The following MYOM2 variants were observed in gnomAD, a reference collection of about 807,000 sequenced individuals.
The protein encoded by MYOM2 is myomesin-2.
A neutral mutation model predicts 187.6 loss-of-function variants in MYOM2; 254 were observed. That is an observed-to-expected ratio of 1.35 (90% CI 1.22 to 1.50). The LOEUF is 1.50. Ranked by LOEUF, MYOM2 falls within the 40% of genes most tolerant of loss-of-function variation. The pLI, the probability that MYOM2 is intolerant of heterozygous loss-of-function variation, is 0.00. For missense variants in MYOM2, 2,796 were observed against 1,924.0 expected (o/e 1.45, Z -8.48); for synonymous variants, 981 against 753.8 (o/e 1.30, Z -4.94).
At chr8:2,107,273 C>T (rs1796926394) in intron 23 of MYOM2, among the ~76,000 whole-genome samples, 1 of 152,134 alleles carries the variant, frequency 6.6e-6, no homozygotes, top group South Asian at 2.1e-4. Context: ...AACGAAGGGG[C>T]AGTGGTGCAG....
chr8:2,127,756 G>A (rs61121655), intron 31 of MYOM2: 82,690 of 119,072 alleles, frequency 0.69, 29,905 homozygotes, highest in Admixed American at 0.75. Context: ...TGACGCGGTG[G>A]CGCAGCCGCA....
intron 5 of MYOM2, among the ~76,000 whole-genome samples, 194 bp from the exon 6 acceptor site, chr8:2,058,959 G>C (rs1818762214): frequency 6.6e-6 from 1 of 152,250 alleles, no homozygotes; most frequent in Middle Eastern, 3.2e-3. Flanking sequence ...AACGAGGAAA[G>C]CGCTGCTCTC....
intron 27 of MYOM2, 46 bp downstream of exon 27, chr8:2,116,321 C>T (rs1434328580): frequency 6.4e-7 from 1 of 1,553,680 alleles, no homozygotes. Flanking sequence ...TAGCATAAAG[C>T]AAAGATGATT....
At chr8:2,056,900 T>C (rs1436202672) in intron 3 of MYOM2, among the ~76,000 whole-genome samples, 2 of 152,238 alleles carry the variant, frequency 1.3e-5, no homozygotes, top group Non-Finnish European at 2.9e-5. Context: ...GAGCACCTGC[T>C]GCATGTGAGT....
intron 14 of MYOM2, among the ~76,000 whole-genome samples, chr8:2,086,285 TG>T: frequency 7.0e-6 from 1 of 143,626 alleles, no homozygotes; most frequent in Non-Finnish European, 1.5e-5. Flanking sequence ...GGCACCCCAC[TG>T]TCGTGATCTC....
intron 15 of MYOM2, 126 bp from the exon 16 acceptor site, chr8:2,092,220 G>T (rs541805379): frequency 1.7e-6 from 2 of 1,159,214 alleles, no homozygotes; most frequent in Non-Finnish European, 2.5e-6. Flanking sequence ...TGGACCCCTT[G>T]TCTGAATTTC....
chr8:2,075,711 C>T (rs772574517), intron 10 of MYOM2, among the ~76,000 whole-genome samples: 5 of 152,112 alleles, frequency 3.3e-5, no homozygotes, highest in African/African-American at 7.2e-5. Flanking sequence ...TCAAAGTTGG[C>T]GAAAAGAGTA....
At chr8:2,100,652 G>A (rs1013098505) in intron 19 of MYOM2, among the ~76,000 whole-genome samples, 1 of 152,046 alleles carries the variant, frequency 6.6e-6, no homozygotes. Flanking sequence ...ATTCTACGTA[G>A]ATCCACGTAG....
chr8:2,063,923 C>T (rs780765382), intron 6 of MYOM2, among the ~76,000 whole-genome samples: 3 of 152,238 alleles, frequency 2.0e-5, no homozygotes, highest in Non-Finnish European at 4.4e-5. Flanking sequence ...GGAAATAAAA[C>T]CCTTGCCTCT....
intron 21 of MYOM2, 63 bp downstream of exon 21, chr8:2,102,844 T>A: frequency 7.9e-7 from 1 of 1,268,436 alleles, no homozygotes; most frequent in Non-Finnish European, 1.1e-6. Context: ...GCATGTATTA[T>A]GGATGTATGG....
At chr8:2,051,061 C>T (rs757011824) in intron 2 of MYOM2, among the ~76,000 whole-genome samples, 188 bp downstream of exon 2, 3 of 152,156 alleles carry the variant, frequency 2.0e-5, no homozygotes, top group Non-Finnish European at 4.4e-5. Context: ...GCGTAGTGTT[C>T]TGGCAGGTCC....
In MYOM2 at chr8:2,126,681, G is replaced by T. The variant is rs973416205; in HGVS notation, c.3695-2446G>T. Among the ~76,000 whole-genome samples the T allele has an allele frequency of 1.5e-3, 227 of 149,548 alleles. 1 individual carries two copies. The highest frequency in any genetic ancestry group is 1.7e-3 in the Non-Finnish European group (118 of 67,472). On this transcript the variant is annotated intron_variant, in intron 31 of 36. Transcript: ENST00000262113. ...CGGGAGAGGCTGATGGAGGCTGGGG[G>T]AGCACTGAGGGAGGCTGATGGAGGC...
chr8:2,121,366 C>T (rs150678753), intron 28 of MYOM2, among the ~76,000 whole-genome samples: 3 of 152,236 alleles, frequency 2.0e-5, no homozygotes, highest in Non-Finnish European at 4.4e-5. Context: ...CCCCCGAGTT[C>T]TGCTTTCCAT....
chr8:2,116,269 A>T lies in MYOM2; in HGVS notation c.3379A>T (p.Lys1127Ter). 1 of 1,612,962 alleles carries T rather than the reference A, an allele frequency of 6.2e-7. No individual in the cohort carries two copies. Among genetic ancestry groups the T allele is most frequent in the Non-Finnish European group, 8.5e-7 (1 of 1,179,416 alleles). Residue 1127 changes from lysine to a stop codon, truncating the protein, a stop_gained, in exon 27 of 37, where the codon AAA becomes TAA. Transcript: ENST00000262113. LOFTEE classifies it high-confidence loss of function. ...GTTTCAAAGGAAAGAATTTCTCAGG[A>T]AACAAGGTGAGTTTCCTCACTCTGA... ...AEFQRKEFLR[K>*]QGPHFAEYLH... is the part of the protein sequence containing the mutation.
chr8:2,113,942 C>T (rs949365221), intron 25 of MYOM2, among the ~76,000 whole-genome samples: 1 of 152,172 alleles, frequency 6.6e-6, no homozygotes, highest in Non-Finnish European at 1.5e-5. Context: ...CTCTCAGGGG[C>T]TCATTGTCTG....
chr8:2,093,777 C>T (rs1276943570), intron 16 of MYOM2, among the ~76,000 whole-genome samples, 193 bp from the exon 17 acceptor site: 1 of 152,218 alleles, frequency 6.6e-6, no homozygotes, highest in Non-Finnish European at 1.5e-5. Flanking sequence ...GTGTAGTCAG[C>T]TCCTGCTATA....
intron 31 of MYOM2, among the ~76,000 whole-genome samples, chr8:2,125,469 C>T (rs1425977116): frequency 2.0e-5 from 3 of 152,148 alleles, no homozygotes; most frequent in East Asian, 1.9e-4. Flanking sequence ...ATGTCAGTGC[C>T]ATGCTGTTTT....
At chr8:2,113,543 G>A (rs1039324374) in intron 25 of MYOM2, among the ~76,000 whole-genome samples, 4 of 152,122 alleles carry the variant, frequency 2.6e-5, no homozygotes. Flanking sequence ...GGGGTTAGCT[G>A]TTGAAGGAAG....
In MYOM2 at chr8:2,143,566, C is replaced by G. The variant is rs1014528607; in HGVS notation, c.4080+110C>G. 8.9e-6 allele frequency: 12 copies of G among 1,355,804 alleles called. 1 individual carries two copies. In the South Asian group the frequency reaches 9.5e-5, roughly 11 times the overall value. The allele number at this position is 1,355,804 out of a possible 1,614,324, so 84.0% of individuals were successfully genotyped here. On this transcript the variant is annotated intron_variant, in intron 36 of 36. Coordinates refer to ENST00000262113, the MANE Select transcript of MYOM2 (RefSeq NM_003970.4). ...ACCCAGTGAGGGGCTTCTGTGTCCT[C>G]ACTCAGCCTGCAGGGAACCCAGAGT...
Sources: allele counts gnomAD v4.1 joint callset (sites outside exome capture counted in the v4.1 genomes callset), GRCh38; gene constraint gnomAD v4.1.1; transcripts MANE v1.5; gene names NCBI Gene and HGNC (gene_info 2026-07-23, HGNC 2026-07-21).